Variants in BTBD16 observed in about 807,000 individuals in gnomAD.
BTBD16 encodes the protein BTB/POZ domain-containing protein 16.
A neutral mutation model predicts 67.4 loss-of-function variants in BTBD16; 66 were observed. The ratio of observed to expected loss-of-function variants is 0.98; its 90% confidence interval spans 0.80 to 1.20. The LOEUF (loss-of-function observed/expected upper bound fraction) is 1.20. BTBD16 is among the 50% of genes most tolerant of loss of function. BTBD16 has a pLI of 0.00. For missense variants in BTBD16, 634 were observed against 616.0 expected (o/e 1.03, Z -0.31); for synonymous variants, 242 against 236.4 (o/e 1.02, Z -0.22).
At chr10:122,290,241 G>A (rs1329546405) in intron 6 of BTBD16, among the ~76,000 whole-genome samples, 1 of 152,188 alleles carries the variant, frequency 6.6e-6, no homozygotes, top group Non-Finnish European at 1.5e-5. Context: ...AGGGTGTGAA[G>A]GATGCAGAGA....
At chr10:122,276,246 T>C (rs558673407) in intron 2 of BTBD16, among the ~76,000 whole-genome samples, 129 of 152,364 alleles carry the variant, frequency 8.5e-4, no homozygotes, top group Middle Eastern at 3.4e-3. Context: ...TTAATGGGTA[T>C]GGAATTTCTT....
In BTBD16 at chr10:122,290,438, A is replaced by G. The variant is rs531665826; in HGVS notation, c.475+440A>G. Among the ~76,000 whole-genome samples, 116 of 152,130 alleles carry G rather than the reference A, an allele frequency of 7.6e-4. 1 individual carries two copies. The highest frequency in any genetic ancestry group is 2.7e-3 in the African/African-American group (113 of 41,506). Reference sequence around the variant, plus strand: ...GGGCTCACTCTCTCCCCATCCCCTCACAGCCACTCATGGGCAGACTTCTTT... The same window carrying G: ...GGGCTCACTCTCTCCCCATCCCCTCGCAGCCACTCATGGGCAGACTTCTTT... On this transcript the variant is annotated intron_variant, in intron 6 of 15. Coordinates refer to ENST00000260723, the MANE Select transcript of BTBD16 (RefSeq NM_144587.5).
chr10:122,276,680 C>T, intron 2 of BTBD16, 111 bp from the exon 3 acceptor site: 2 of 1,418,764 alleles, frequency 1.4e-6, no homozygotes, highest in South Asian at 1.4e-5. Flanking sequence ...AAAAATTAAC[C>T]AGCACTGTAA....
intron 10 of BTBD16, among the ~76,000 whole-genome samples, chr10:122,315,640 G>A (rs1020336334): frequency 6.6e-5 from 10 of 152,262 alleles, no homozygotes; most frequent in Admixed American, 2.0e-4. Flanking sequence ...TTGGGCTTGA[G>A]ATTTTGGAAG....
intron 1 of BTBD16, among the ~76,000 whole-genome samples, chr10:122,272,026 G>A (rs371862294): frequency 6.6e-6 from 1 of 152,118 alleles, no homozygotes; most frequent in African/African-American, 2.4e-5. Flanking sequence ...GAGGATTTGG[G>A]GGTCTATGTC....
chr10:122,313,256 T>G (rs2096417340), intron 10 of BTBD16, among the ~76,000 whole-genome samples: 2 of 86,252 alleles, frequency 2.3e-5, no homozygotes, highest in Admixed American at 2.2e-4. Context: ...TAGTTAGTGC[T>G]GTTTTTTTTT....
chr10:122,287,745 ACT>A (rs1314481177), intron 5 of BTBD16, among the ~76,000 whole-genome samples: 1 of 152,072 alleles, frequency 6.6e-6, no homozygotes, highest in Non-Finnish European at 1.5e-5. Flanking sequence ...GGATTGCTGG[ACT>A]CTGCAGAGAT....
chr10:122,277,268 GT>G (rs2096342905), intron 3 of BTBD16, among the ~76,000 whole-genome samples: 2 of 135,852 alleles, frequency 1.5e-5, no homozygotes, highest in African/African-American at 7.4e-5. Flanking sequence ...ACAAAACTTA[GT>G]TAGTCCTGGC....
chr10:122,333,746 C>T (rs963113400), intron 13 of BTBD16, among the ~76,000 whole-genome samples: 7 of 151,396 alleles, frequency 4.6e-5, no homozygotes, highest in African/African-American at 1.5e-4. Context: ...TATCTTCTTC[C>T]TTTTTGCTTT....
At chr10:122,301,047 G>A (rs1180343769) in intron 9 of BTBD16, among the ~76,000 whole-genome samples, 2 of 152,200 alleles carry the variant, frequency 1.3e-5, no homozygotes, top group Non-Finnish European at 2.9e-5. Flanking sequence ...AGGAGTCCCA[G>A]CCTCATGCCA....
At chr10:122,337,555 C>G (rs893717589) in intron 15 of BTBD16, among the ~76,000 whole-genome samples, 1 of 152,164 alleles carries the variant, frequency 6.6e-6, no homozygotes, top group African/African-American at 2.4e-5. Flanking sequence ...AGCTCCACCT[C>G]CCGGGTTCAC....
At chr10:122,317,741 C>T (rs1237485214) in intron 10 of BTBD16, among the ~76,000 whole-genome samples, 1 of 152,140 alleles carries the variant, frequency 6.6e-6, no homozygotes, top group Non-Finnish European at 1.5e-5. Flanking sequence ...GGGTCAGGAC[C>T]ATCAATGTCA....
At chr10:122,312,822 G>T (rs2142102366) in intron 10 of BTBD16, among the ~76,000 whole-genome samples, 1 of 152,226 alleles carries the variant, frequency 6.6e-6, no homozygotes, top group African/African-American at 2.4e-5. Context: ...GTCCTTGTTG[G>T]ATATATGAAT....
At chr10:122,307,132 GC>G in intron 9 of BTBD16, 56 bp from the exon 10 acceptor site, 1 of 1,541,506 alleles carries the variant, frequency 6.5e-7, no homozygotes, top group East Asian at 2.3e-5. Flanking sequence ...CTTCTTACAA[GC>G]AGCGTGATTT....
At chr10:122,333,740 T>G (rs771150345) in intron 13 of BTBD16, among the ~76,000 whole-genome samples, 10 of 151,822 alleles carry the variant, frequency 6.6e-5, no homozygotes, top group Non-Finnish European at 1.3e-4. Flanking sequence ...CCTAAATATC[T>G]TCTTCCTTTT....
At chr10:122,306,831 A>G (rs7078646) in intron 9 of BTBD16, among the ~76,000 whole-genome samples, 3,687 of 152,352 alleles carry the variant, frequency 0.024, 142 homozygotes, top group African/African-American at 0.081. Flanking sequence ...AGTAAGGACT[A>G]TATCCTAACT....
At chr10:122,320,073 C>A (rs1204177536) in intron 10 of BTBD16, among the ~76,000 whole-genome samples, 4 of 152,042 alleles carry the variant, frequency 2.6e-5, no homozygotes, top group African/African-American at 9.7e-5. Flanking sequence ...CTTAGTAGAA[C>A]TCAATTGTAC....
At chr10:122,282,275 G>A (rs1055481013) in intron 3 of BTBD16, among the ~76,000 whole-genome samples, 17 of 152,214 alleles carry the variant, frequency 1.1e-4, no homozygotes, top group African/African-American at 4.1e-4. Flanking sequence ...TGTCACCCAA[G>A]CCACGAGGGG....
intron 1 of BTBD16, 47 bp from the exon 2 acceptor site, chr10:122,274,993 T>C: frequency 7.2e-7 from 1 of 1,382,384 alleles, no homozygotes; most frequent in Admixed American, 1.7e-5. Context: ...CTCCATAATA[T>C]TTTGAAAAGT....
Sources: allele counts gnomAD v4.1 joint callset (sites outside exome capture counted in the v4.1 genomes callset), GRCh38; gene constraint gnomAD v4.1.1; transcripts MANE v1.5; gene names NCBI Gene and HGNC (gene_info 2026-07-23, HGNC 2026-07-21).